The following NCAM1 variants were observed in gnomAD, a reference collection of about 807,000 sequenced individuals.
The protein encoded by NCAM1 is neural cell adhesion molecule 1.
Under a neutral mutation model 109.8 loss-of-function variants are expected in NCAM1, and 14 were observed. The ratio of observed to expected loss-of-function variants is 0.13; its 90% confidence interval spans 0.08 to 0.20. The LOEUF (loss-of-function observed/expected upper bound fraction) is 0.20, where lower values mean the gene tolerates loss of function less well. Among genes scored for constraint, NCAM1 ranks in the 10% least tolerant of loss-of-function variants. The pLI, the probability that NCAM1 is intolerant of heterozygous loss-of-function variation, is 1.00. For missense variants in NCAM1, 774 were observed against 1,109.9 expected, an observed-to-expected ratio of 0.70 and a Z score of 4.30; for synonymous variants, 418 against 442.9, an observed-to-expected ratio of 0.94 and a Z score of 0.70.
At position 112,964,155 on chromosome 11, in the gene NCAM1, G is replaced by GTTT. The variant is rs59178181; in HGVS notation, c.52+2499_52+2501dup. 5.4e-3 allele frequency among the ~76,000 whole-genome samples: 579 copies of GTTT among 107,282 alleles called. 7 individuals carry two copies. The highest frequency in any genetic ancestry group is 0.017 in the Middle Eastern group (2 of 118). The allele number at this position is 107,282 out of a possible 152,430, so 70.4% of individuals were successfully genotyped here. A position where few individuals can be genotyped will look rare whatever the true frequency, so the allele number is the denominator to read the frequency against. ...TTTTTTTTTTGTTTTTTTTTTTTTTGTTTTTTTTTTGGACTCAAATGTAGC... is the reference window on the plus strand; with the variant it reads ...TTTTTTTTTTGTTTTTTTTTTTTTTGTTTTTTTTTTTTTGGACTCAAATGTAGC... On this transcript the variant is annotated intron_variant, in intron 1 of 19. Transcript: ENST00000316851.
chr11:113,263,161 G>A, intron 17 of NCAM1: 1 of 1,195,508 alleles, frequency 8.4e-7, no homozygotes. Context: ...GCAGTAAAAA[G>A]AATTTGAGAG....
rs186269785 is a variant in NCAM1 at position 113,050,114 on chromosome 11, G to A, written c.52+88450G>A. On this transcript the variant is annotated intron_variant, in intron 1 of 19. Coordinates refer to ENST00000316851, the MANE Select transcript of NCAM1 (RefSeq NM_181351.5). ...TTGCTCTGTGGTGAGAACGCATGGT[G>A]TGGGGTGGGGGGCAGAAACAGAGGG... is the stretch of plus-strand genomic sequence containing the variant. Among the ~76,000 whole-genome samples the A allele has an allele frequency of 5.4e-3, 772 of 141,878 alleles. 26 individuals carry two copies. The highest frequency in any genetic ancestry group is 0.05 in the Admixed American group (698 of 14,068). The allele number at this position is 141,878 out of a possible 152,430, so 93.1% of individuals were successfully genotyped here.
intron 1 of NCAM1, among the ~76,000 whole-genome samples, chr11:113,151,350 C>T (rs1293081283): frequency 2.0e-5 from 3 of 152,164 alleles, no homozygotes; most frequent in African/African-American, 4.8e-5. Flanking sequence ...CAGCACATAT[C>T]GGAGCTCAAG....
rs557973802 is a variant in NCAM1 at position 113,028,430 on chromosome 11, C to A, written c.52+66766C>A. On this transcript the variant is annotated intron_variant, in intron 1 of 19. Transcript: ENST00000316851. ...GAATCACACCTGTATAAAAGACATT[C>A]TTTTATGATGGAGGGATGCACTGTT... Among the ~76,000 whole-genome samples, 4 of 152,128 alleles carry A rather than the reference C, an allele frequency of 2.6e-5. No individual in the cohort carries two copies. The South Asian group carries it at 8.3e-4, about 32-fold the overall frequency.
intron 19 of NCAM1, 26 bp from the exon 20 acceptor site, chr11:113,275,241 G>A: frequency 6.2e-7 from 1 of 1,612,994 alleles, no homozygotes. Context: ...TGGTCTCAGT[G>A]GTTCTGTTTT....
intron 15 of NCAM1, among the ~76,000 whole-genome samples, chr11:113,248,843 A>G (rs1400777280): frequency 1.3e-5 from 2 of 152,206 alleles, no homozygotes; most frequent in African/African-American, 2.4e-5. Flanking sequence ...TGGCCTGTAG[A>G]GGATTGTGAC....
intron 1 of NCAM1, among the ~76,000 whole-genome samples, chr11:113,001,610 G>A (rs1555072449): frequency 6.6e-6 from 1 of 152,152 alleles, no homozygotes; most frequent in Non-Finnish European, 1.5e-5. Context: ...TGGACACTCT[G>A]TTGTCCCTGT....
intron 14 of NCAM1, among the ~76,000 whole-genome samples, chr11:113,241,694 T>G (rs1945331487): frequency 2.6e-5 from 4 of 152,222 alleles, no homozygotes; most frequent in African/African-American, 9.6e-5. Flanking sequence ...TGCCACTGTT[T>G]GGAGTTTTGA....
chr11:113,069,942 A>G (rs1303215211), intron 1 of NCAM1, among the ~76,000 whole-genome samples: 2 of 152,126 alleles, frequency 1.3e-5, no homozygotes, highest in Non-Finnish European at 2.9e-5. Context: ...AGTTGGAAGT[A>G]CCTGTGAGGT....
intron 1 of NCAM1, among the ~76,000 whole-genome samples, chr11:113,144,909 G>A (rs1252776218): frequency 6.6e-6 from 1 of 152,168 alleles, no homozygotes; most frequent in Non-Finnish European, 1.5e-5. Flanking sequence ...ATTTCATTCA[G>A]GGTGGAGAGT....
At chr11:113,107,819 A>T (rs556414195) in intron 1 of NCAM1, among the ~76,000 whole-genome samples, 3 of 152,276 alleles carry the variant, frequency 2.0e-5, no homozygotes, top group Admixed American at 2.0e-4. Flanking sequence ...TGTTGACCAA[A>T]TGGCATAAAT....
At chr11:113,248,763 G>C (rs1206378607) in intron 15 of NCAM1, among the ~76,000 whole-genome samples, 2 of 152,206 alleles carry the variant, frequency 1.3e-5, no homozygotes, top group Non-Finnish European at 2.9e-5. Context: ...GACTCAGAAG[G>C]AGAAGGGAGG....
chr11:113,231,227 G>A (rs1386855823), intron 9 of NCAM1: 2 of 1,536,184 alleles, frequency 1.3e-6, no homozygotes, highest in African/African-American at 2.7e-5. Context: ...CAAGTGGGCA[G>A]ACAGAAAGGA....
rs1565546642 is a variant in NCAM1, at chr11:113,277,848, T to TAAA, written c.*2461_*2462insAAA. 4 of 29,694 alleles carry TAAA rather than the reference T, an allele frequency of 1.3e-4. No homozygotes were observed. The highest frequency in any genetic ancestry group is 2.8e-4 in the Non-Finnish European group (4 of 14,090). 1.8% of individuals were successfully genotyped at this position (29,694 alleles called of 1,614,324 possible). ...GTCTCAGCATGCAAGAGTTTTTCCTTTAAAAAAAAAAAAAAAAAAAAAAAA... is the reference window on the plus strand; with the variant it reads ...GTCTCAGCATGCAAGAGTTTTTCCTTAAATAAAAAAAAAAAAAAAAAAAAAAAA... On this transcript the variant is annotated 3_prime_UTR_variant, in exon 20 of 20. Transcript: ENST00000316851.
intron 1 of NCAM1, among the ~76,000 whole-genome samples, chr11:113,155,253 C>G (rs782279007): frequency 5.3e-5 from 8 of 152,108 alleles, no homozygotes; most frequent in Non-Finnish European, 1.2e-4. Flanking sequence ...CATGGTGGCT[C>G]ACACCTGTAA....
rs141714061 is a variant in NCAM1, at chr11:113,187,790, C to T, written c.53-14589C>T. Among the ~76,000 whole-genome samples, 701 of 152,178 alleles carry T rather than the reference C, an allele frequency of 4.6e-3. 8 individuals are homozygous for T. Among genetic ancestry groups the T allele is most frequent in the Middle Eastern group, 0.014 (4 of 294 alleles). ...GTTGTACCAGAGGGAGTTTGAGGAC[C>T]GCCACTGGAATTGTGTGCTCTTTTT... is the stretch of plus-strand genomic sequence containing the variant. On this transcript the variant is annotated intron_variant, in intron 1 of 19. Transcript: ENST00000316851.
intron 1 of NCAM1, among the ~76,000 whole-genome samples, chr11:113,104,607 G>C (rs1940064782): frequency 6.6e-6 from 1 of 152,092 alleles, no homozygotes; most frequent in South Asian, 2.1e-4. Context: ...GCTGAATCGG[G>C]GGTAATCACT....
intron 1 of NCAM1, among the ~76,000 whole-genome samples, chr11:113,019,660 C>T (rs1406293584): frequency 3.9e-5 from 6 of 152,202 alleles, no homozygotes; most frequent in East Asian, 1.9e-4. Context: ...TGTGTGTATA[C>T]TTGGAACAGA....
chr11:113,182,522 C>T (rs189789487), intron 1 of NCAM1, among the ~76,000 whole-genome samples: 8 of 152,330 alleles, frequency 5.3e-5, no homozygotes, highest in Admixed American at 3.3e-4. Flanking sequence ...GTACTAGGCA[C>T]TCCATGTGTC....
Sources: allele counts gnomAD v4.1 joint callset (sites outside exome capture counted in the v4.1 genomes callset), GRCh38; gene constraint gnomAD v4.1.1; transcripts MANE v1.5; gene names NCBI Gene and HGNC (gene_info 2026-07-23, HGNC 2026-07-21).